Variants in PTPN3 observed in about 807,000 individuals in gnomAD.
PTPN3 encodes the protein protein tyrosine phosphatase non-receptor type 3.
A neutral mutation model predicts 132.7 loss-of-function variants in PTPN3; 96 were observed. The observed-to-expected ratio is 0.72, with a 90% CI of 0.61 to 0.86. PTPN3 has a LOEUF of 0.86. Among genes scored for constraint, PTPN3 ranks in the 40% least tolerant of loss-of-function variants. The pLI is 0.00. For missense variants in PTPN3, 1,125 were observed against 1,159.6 expected (o/e 0.97, Z 0.43); for synonymous variants, 398 against 429.0 (o/e 0.93, Z 0.89).
intron 1 of PTPN3, among the ~76,000 whole-genome samples, chr9:109,491,800 T>C (rs745719975): frequency 6.6e-6 from 1 of 152,198 alleles, no homozygotes; most frequent in Non-Finnish European, 1.5e-5. Flanking sequence ...CCCAGGCTCT[T>C]GCAGTCCCTG....
chr9:109,404,111 C>A (rs1200024953), intron 19 of PTPN3, among the ~76,000 whole-genome samples: 1 of 152,156 alleles, frequency 6.6e-6, no homozygotes, highest in Non-Finnish European at 1.5e-5. Flanking sequence ...CAGAGTCCCT[C>A]CTCCTCAGTT....
At chr9:109,413,405 C>T (rs998925553) in intron 14 of PTPN3, among the ~76,000 whole-genome samples, 8 of 152,146 alleles carry the variant, frequency 5.3e-5, no homozygotes, top group African/African-American at 1.7e-4. Context: ...GACAGACAGA[C>T]GAGGAAGAGG....
intron 1 of PTPN3, among the ~76,000 whole-genome samples, chr9:109,479,657 G>T (rs1324488187): frequency 6.6e-6 from 1 of 152,060 alleles, no homozygotes; most frequent in East Asian, 1.9e-4. Context: ...GCTTACTGCA[G>T]CCTCCTCCGC....
intron 1 of PTPN3, among the ~76,000 whole-genome samples, chr9:109,482,904 T>G (rs569474996): frequency 6.6e-6 from 1 of 152,318 alleles, no homozygotes; most frequent in African/African-American, 2.4e-5. Flanking sequence ...TCGTCAGCAC[T>G]CGCAGGTGCT....
chr9:109,443,938 G>A (rs745328651), intron 7 of PTPN3, among the ~76,000 whole-genome samples: 1 of 152,152 alleles, frequency 6.6e-6, no homozygotes, highest in Non-Finnish European at 1.5e-5. Context: ...TGGGTAAGCT[G>A]CAGGCCCAGC....
intron 17 of PTPN3, among the ~76,000 whole-genome samples, chr9:109,407,765 C>T (rs914481157): frequency 6.6e-5 from 10 of 152,280 alleles, no homozygotes; most frequent in South Asian, 4.1e-4. Flanking sequence ...GCAGGTTGGT[C>T]TCAAACTCCT....
intron 1 of PTPN3, among the ~76,000 whole-genome samples, chr9:109,486,245 A>G (rs1847200224): frequency 6.6e-6 from 1 of 152,218 alleles, no homozygotes; most frequent in Non-Finnish European, 1.5e-5. Flanking sequence ...GGCTTATAGC[A>G]TACATTTTGC....
At chr9:109,450,378 A>G (rs1366188265) in intron 5 of PTPN3, 1 of 985,016 alleles carries the variant, frequency 1.0e-6, no homozygotes, top group African/African-American at 1.7e-5. Context: ...TACTGAGAGA[A>G]AAAAAGAGAA....
At chr9:109,514,678 G>A in the PTPN3 span, among the ~76,000 whole-genome samples, 1 of 152,160 alleles carries the variant, frequency 6.6e-6, no homozygotes, top group Non-Finnish European at 1.5e-5. Context: ...AATGGCTCAA[G>A]TTCTTTGCTC....
At chr9:109,486,381 C>A (rs1171722799) in intron 1 of PTPN3, among the ~76,000 whole-genome samples, 5 of 152,166 alleles carry the variant, frequency 3.3e-5, no homozygotes, top group Non-Finnish European at 7.4e-5. Flanking sequence ...GCGCAAGGGG[C>A]CTATTTGTGA....
intron 4 of PTPN3, among the ~76,000 whole-genome samples, chr9:109,455,350 C>T (rs1158570295): frequency 6.6e-6 from 1 of 152,188 alleles, no homozygotes; most frequent in Non-Finnish European, 1.5e-5. Flanking sequence ...ATCTTCATGT[C>T]AATTTCACCA....
intron 1 of PTPN3, among the ~76,000 whole-genome samples, chr9:109,467,417 T>C (rs926033167): frequency 2.6e-5 from 4 of 152,170 alleles, no homozygotes; most frequent in African/African-American, 9.7e-5. Context: ...CAGGATCACA[T>C]TCCCTTTGGG....
upstream of PTPN3, among the ~76,000 whole-genome samples, chr9:109,501,115 G>T (rs992153242): frequency 5.3e-5 from 8 of 152,246 alleles, no homozygotes; most frequent in South Asian, 1.0e-3. Context: ...GCATTTAAAA[G>T]ATCAAATTAA....
At chr9:109,390,045 G>C (rs758828646) in intron 21 of PTPN3, among the ~76,000 whole-genome samples, 1 of 152,210 alleles carries the variant, frequency 6.6e-6, no homozygotes, top group Non-Finnish European at 1.5e-5. Context: ...GCAAGGTAAA[G>C]GAAGGCTTCT....
At chr9:109,485,770 T>A (rs1847179457) in intron 1 of PTPN3, among the ~76,000 whole-genome samples, 1 of 152,082 alleles carries the variant, frequency 6.6e-6, no homozygotes, top group African/African-American at 2.4e-5. Context: ...CTGGAGCAGC[T>A]CACGAGAGGG....
At chr9:109,393,853 T>C (rs927484753) in intron 19 of PTPN3, among the ~76,000 whole-genome samples, 4 of 152,212 alleles carry the variant, frequency 2.6e-5, no homozygotes, top group African/African-American at 9.6e-5. Context: ...TTTCTCTTAC[T>C]AAATAAATAA....
chr9:109,400,726 G>A (rs1020745607), intron 19 of PTPN3, among the ~76,000 whole-genome samples: 4 of 152,176 alleles, frequency 2.6e-5, no homozygotes, highest in Non-Finnish European at 4.4e-5. Context: ...GCCTACAACT[G>A]GGATAATGAC....
Position 109,389,262 on chromosome 9 carries a change from T to C in PTPN3, c.2224A>G (p.Met742Val). 6.2e-7 allele frequency: 1 copy of C among 1,614,152 alleles called. No homozygotes were observed. The highest frequency in any genetic ancestry group is 8.5e-7 in the Non-Finnish European group (1 of 1,180,016). Residue 742 changes from methionine to valine, a missense_variant, in exon 22 of 26, where the codon ATG (methionine) becomes GTG (valine). By Grantham distance (21) the Met-to-Val change is conservative. Coordinates refer to ENST00000374541, the MANE Select transcript of PTPN3 (RefSeq NM_002829.4). The stretch of plus-strand genomic sequence containing the variant: ...CCTCGTTCTGTGAGAGTCGTCAACA[T>C]GACAATGAGTGACAACTTCTGATCC... ...VWDQKLSLIV[M>V]LTTLTERGRT...
chr9:109,495,582 G>A (rs1847634997), intron 1 of PTPN3, among the ~76,000 whole-genome samples: 1 of 152,108 alleles, frequency 6.6e-6, no homozygotes, highest in Non-Finnish European at 1.5e-5. Flanking sequence ...AATGGGGTGG[G>A]GTTTGGCAGC....
Sources: allele counts gnomAD v4.1 joint callset (sites outside exome capture counted in the v4.1 genomes callset), GRCh38; gene constraint gnomAD v4.1.1; transcripts MANE v1.5; gene names NCBI Gene and HGNC (gene_info 2026-07-23, HGNC 2026-07-21).